The following ODF2L variants were observed in gnomAD, a reference collection of about 807,000 sequenced individuals.
ODF2L encodes the protein outer dense fiber of sperm tails 2 like, also known as protein BCAP.
A neutral mutation model predicts 86.3 loss-of-function variants in ODF2L; 76 were observed. The observed-to-expected ratio is 0.88, with a 90% CI of 0.73 to 1.07. The LOEUF is 1.07. ODF2L is among the 50% of genes least tolerant of loss of function. The pLI, the probability that ODF2L is intolerant of heterozygous loss-of-function variation, is 0.00. For synonymous variants in ODF2L, 241 were observed against 231.3 expected (o/e 1.04, Z -0.38); for missense variants, 748 against 717.4 (o/e 1.04, Z -0.49).
intron 7 of ODF2L, among the ~76,000 whole-genome samples, chr1:86,377,795 C>A (rs1660281506): frequency 6.6e-6 from 1 of 152,242 alleles, no homozygotes; most frequent in African/African-American, 2.4e-5. Context: ...GCCCAGCCCA[C>A]AAAACCACTT....
At position 86,384,789 on chromosome 1, in the gene ODF2L, CAGAA is replaced by C. The variant is rs774072516; in HGVS notation, c.255_258del (p.Ser86HisfsTer2). 1.3e-6 allele frequency: 2 copies of C among 1,509,922 alleles called. No homozygotes were observed. Among genetic ancestry groups the C allele is most frequent in the African/African-American group, 1.4e-5 (1 of 69,352 alleles). 93.5% of individuals were successfully genotyped at this position (1,509,922 alleles called of 1,614,324 possible). A position where few individuals can be genotyped will look rare whatever the true frequency, so the allele number is the denominator to read the frequency against. Reference sequence around the variant, plus strand: ...TGTTCAGAAATCTTCAAATTCAATGCAGAAAGATTCGCCTGACAAATTATAAGAA... The same window carrying C: ...TGTTCAGAAATCTTCAAATTCAATGCAGATTCGCCTGACAAATTATAAGAA... On this transcript the variant is annotated frameshift_variant, in exon 4 of 18. Transcript: ENST00000317336. LOFTEE classifies it high-confidence loss of function.
intron 2 of ODF2L, chr1:86,386,161 C>T (rs1042936365): frequency 1.3e-5 from 2 of 152,216 alleles, no homozygotes; most frequent in African/African-American, 4.8e-5. Flanking sequence ...ATGGTATATA[C>T]TAAGATTGCC....
At chr1:86,387,559 T>C (rs12724057) in intron 1 of ODF2L, among the ~76,000 whole-genome samples, 1 of 152,176 alleles carries the variant, frequency 6.6e-6, no homozygotes, top group East Asian at 1.9e-4. Flanking sequence ...AAGTAGACTT[T>C]TCAAAATTAA....
chr1:86,376,147 A>G (rs1558040898), intron 8 of ODF2L, 86 bp downstream of exon 8: 1 of 669,910 alleles, frequency 1.5e-6, no homozygotes, highest in Admixed American at 3.2e-5. Flanking sequence ...AAAGAATAAA[A>G]TTACTATATT....
At chr1:86,368,968 C>A (rs368201032) in intron 10 of ODF2L, among the ~76,000 whole-genome samples, 2 of 152,024 alleles carry the variant, frequency 1.3e-5, no homozygotes, top group East Asian at 1.9e-4. Context: ...ATAACAACTA[C>A]GAAAAAACAG....
chr1:86,349,751 A>C (rs535013679), downstream of ODF2L: 9 of 152,374 alleles, frequency 5.9e-5, no homozygotes, highest in South Asian at 1.5e-3. Flanking sequence ...AAGACATTTC[A>C]GGCTTCCCGA....
At chr1:86,387,148 T>TA (rs1311493685) in intron 1 of ODF2L, 62 bp from the exon 2 acceptor site, 3 of 527,094 alleles carry the variant, frequency 5.7e-6, no homozygotes, top group Non-Finnish European at 9.8e-6. Context: ...TACTCTCTCA[T>TA]AAAAAATAAA....
exon 6 of ODF2L, chr1:86,382,940 C>G: frequency 2.6e-6 from 4 of 1,548,302 alleles, no homozygotes; most frequent in Non-Finnish European, 3.6e-6. Context: ...CCTTTTCACT[C>G]TGAAACAAAC....
At position 86,372,466 on chromosome 1, in the gene ODF2L, T is replaced by G. The variant is rs781724671; in HGVS notation, c.885A>C (p.Lys295Asn). The G allele has an allele frequency of 4.6e-6, 7 of 1,518,384 alleles. 1 individual carries two copies. Among genetic ancestry groups the G allele is most frequent in the Non-Finnish European group, 6.2e-6 (7 of 1,136,832 alleles). 94.1% of individuals were successfully genotyped at this position (1,518,384 alleles called of 1,614,324 possible). Residue 295 changes from lysine (K) to asparagine (N), a missense_variant, in exon 9 of 18, where the codon AAA becomes AAC. Lys to Asn is a moderately conservative substitution (Grantham distance 94). Coordinates refer to ENST00000317336, the Ensembl canonical transcript of ODF2L. ...TTTCAATCTGTACTTCCAATTCGGT[T>G]TTTTCTATCACAATTTTCTCATAAT...
chr1:86,353,574 C>G (rs967843541), intron 16 of ODF2L, among the ~76,000 whole-genome samples: 11 of 152,004 alleles, frequency 7.2e-5, no homozygotes, highest in South Asian at 4.1e-4. Flanking sequence ...TCTAAGGAAG[C>G]CTATTTGTAA....
intron 11 of ODF2L, among the ~76,000 whole-genome samples, chr1:86,364,625 T>A (rs1659274221): frequency 6.6e-6 from 1 of 152,086 alleles, no homozygotes; most frequent in Non-Finnish European, 1.5e-5. Context: ...ATATGGGAAT[T>A]TTGGGGAGGC....
At chr1:86,356,479 C>G (rs573966982) in exon 14 of ODF2L, 2 of 1,613,854 alleles carry the variant, frequency 1.2e-6, no homozygotes, top group Non-Finnish European at 1.7e-6. Context: ...TGTTCCTGGT[C>G]TGCACACTTC....
At chr1:86,389,296 T>G (rs1558065671) in intron 1 of ODF2L, among the ~76,000 whole-genome samples, 2 of 152,120 alleles carry the variant, frequency 1.3e-5, no homozygotes, top group Admixed American at 6.5e-5. Flanking sequence ...TATACATGTT[T>G]AAGGATCAAA....
intron 11 of ODF2L, among the ~76,000 whole-genome samples, chr1:86,362,592 G>A (rs1484473672): frequency 6.6e-6 from 1 of 152,100 alleles, no homozygotes; most frequent in Admixed American, 6.5e-5. Context: ...TGCCCAGGCA[G>A]TCAATGACCT....
chr1:86,374,490 G>A (rs992529717), intron 8 of ODF2L, among the ~76,000 whole-genome samples: 11 of 152,030 alleles, frequency 7.2e-5, no homozygotes, highest in Non-Finnish European at 1.3e-4. Flanking sequence ...TCTAAGCCAC[G>A]AGAAGCAAAA....
chr1:86,354,427 CCT>C, intron 16 of ODF2L, 101 bp downstream of exon 15: 1 of 715,166 alleles, frequency 1.4e-6, no homozygotes, highest in Non-Finnish European at 2.4e-6. Context: ...CTCCCTTCAC[CCT>C]GTCATCAGGA....
rs1339587870 is a variant in ODF2L, at chr1:86,385,652, G to T, written c.114-62C>A. 5 of 1,306,426 alleles carry T rather than the reference G, an allele frequency of 3.8e-6. No homozygotes were observed. In the African/African-American group the frequency reaches 7.3e-5, roughly 19 times the overall value. 80.9% of individuals were successfully genotyped at this position (1,306,426 alleles called of 1,614,324 possible). A position where few individuals can be genotyped will look rare whatever the true frequency, so the allele number is the denominator to read the frequency against. ...CCATTTCATTTAAAGATGCTCCTCA[G>T]AAATGCCATATCACCTATACAGTAC... On this transcript the variant is annotated intron_variant, in intron 2 of 17. Transcript: ENST00000317336.
chr1:86,353,132 T>C (rs577319179), intron 16 of ODF2L, 148 bp from the exon 16 acceptor site: 78 of 572,612 alleles, frequency 1.4e-4, no homozygotes, highest in African/African-American at 1.3e-3. Context: ...AAGAAGCATA[T>C]ATAGCGTAAG....
intron 11 of ODF2L, among the ~76,000 whole-genome samples, chr1:86,361,426 G>C (rs772715433): frequency 5.3e-5 from 8 of 152,128 alleles, no homozygotes; most frequent in Non-Finnish European, 1.0e-4. Context: ...GGGAGACACG[G>C]TTACCATATT....
Sources: gnomAD v4.1 joint callset for allele counts (sites outside exome capture counted in the v4.1 genomes callset) on GRCh38, gnomAD v4.1.1 for gene constraint, MANE v1.5 for transcripts, NCBI Gene and HGNC (gene_info 2026-07-23, HGNC 2026-07-21) for gene names.